Variants in TEX14 observed in about 807,000 individuals in gnomAD.
TEX14 encodes the protein testis expressed 14, intercellular bridge forming factor.
In TEX14, 168 loss-of-function variants were observed where a neutral mutation model predicts 178.6. The observed-to-expected ratio is 0.94, with a 90% CI of 0.83 to 1.07. The LOEUF is 1.07. Ranked by LOEUF, TEX14 falls within the 50% of genes least tolerant of loss-of-function variation. The pLI, the probability that TEX14 is intolerant of heterozygous loss-of-function variation, is 0.00. For missense variants in TEX14, 1,730 were observed against 1,753.6 expected (o/e 0.99, Z 0.24); for synonymous variants, 626 against 634.1 (o/e 0.99, Z 0.19).
intron 26 of TEX14, among the ~76,000 whole-genome samples, chr17:58,568,962 A>G (rs2044462632): frequency 6.6e-6 from 1 of 152,170 alleles, no homozygotes; most frequent in Non-Finnish European, 1.5e-5. Context: ...AAGTCCTTTA[A>G]GTAACAAAAT....
chr17:58,592,258 C>A (rs1207382569), intron 15 of TEX14, among the ~76,000 whole-genome samples: 2 of 149,832 alleles, frequency 1.3e-5, no homozygotes, highest in Non-Finnish European at 3.0e-5. Context: ...GAGTCAGAAT[C>A]TCACTCTGTT....
intron 2 of TEX14, chr17:58,631,047 A>G: frequency 2.4e-6 from 1 of 415,660 alleles, no homozygotes; most frequent in South Asian, 1.0e-4. Flanking sequence ...GGACTGAAAA[A>G]AAAGGCCAAA....
At position 58,602,459 on chromosome 17, in the gene TEX14, G is replaced by C. The variant is rs574919191; in HGVS notation, c.1468C>G (p.Gln490Glu). 3.8e-5 allele frequency: 62 copies of C among 1,613,960 alleles called. No individual in the cohort carries two copies. Among genetic ancestry groups the C allele is most frequent in the Middle Eastern group, 1.6e-4 (1 of 6,062 alleles). ...DIVKSGIHVK[Q>E]KDRTMNLQDI... ...TGAAGGTTCATAGTTCGGTCTTTCT[G>C]CTTGACGTGGATGCCTGACTTAACA... is the stretch of plus-strand genomic sequence containing the variant. The change falls in exon 12 of 32, where the codon CAG becomes GAG. Residue 490 changes from glutamine (Q) to glutamate (E), a missense_variant. Gln to Glu is a conservative substitution (Grantham distance 29, BLOSUM62 2). Coordinates refer to ENST00000349033, the MANE Select transcript of TEX14 (RefSeq NM_031272.5).
chr17:58,569,117 A>G lies in TEX14; in HGVS notation c.3886+75T>C, dbSNP rs890328280. 1.6e-6 allele frequency: 2 copies of G among 1,267,624 alleles called. No homozygotes were observed. Among genetic ancestry groups the G allele is most frequent in the African/African-American group, 3.0e-5 (2 of 67,122 alleles). 78.5% of individuals were successfully genotyped at this position (1,267,624 alleles called of 1,614,324 possible). A position where few individuals can be genotyped will look rare whatever the true frequency, so the allele number is the denominator to read the frequency against. On this transcript the variant is annotated intron_variant, in intron 26 of 31. Coordinates refer to ENST00000349033, the MANE Select transcript of TEX14 (RefSeq NM_031272.5). The surrounding 1 kb of genome is among the most constrained non-coding windows in gnomAD (Gnocchi z 4.1). ...TTTTATACTAGTGTTCACACTTGAG[A>G]CAAAGACACCATACTGTGGTCAGTG...
intron 10 of TEX14, among the ~76,000 whole-genome samples, chr17:58,605,757 C>T (rs1207514864): frequency 6.6e-6 from 1 of 152,212 alleles, no homozygotes; most frequent in Non-Finnish European, 1.5e-5. Context: ...GTCTGAAAGT[C>T]ACTTCCTCAA....
intron 18 of TEX14, 114 bp from the exon 19 acceptor site, chr17:58,584,714 C>T: frequency 1.2e-6 from 1 of 838,894 alleles, no homozygotes; most frequent in South Asian, 1.5e-5. Context: ...CAAGAGTGGC[C>T]ATGTCCCATA....
chr17:58,557,275 C>CT (rs59283518), intron 31 of TEX14, among the ~76,000 whole-genome samples: 21,264 of 144,586 alleles, frequency 0.15, 2,322 homozygotes, highest in East Asian at 0.31. Flanking sequence ...TAAACCTGTT[C>CT]TTTTTTTTTT....
chr17:58,623,154 CCTGT>C (rs757683905), intron 3 of TEX14, 142 bp from the exon 4 acceptor site: 155 of 616,738 alleles, frequency 2.5e-4, no homozygotes, highest in Non-Finnish European at 4.1e-4. Flanking sequence ...TTGTGAGGCC[CCTGT>C]CTGTGCCCAC....
At chr17:58,609,354 C>T (rs552272902) in intron 10 of TEX14, among the ~76,000 whole-genome samples, 2 of 152,302 alleles carry the variant, frequency 1.3e-5, no homozygotes, top group African/African-American at 4.8e-5. Flanking sequence ...CATGATCCAC[C>T]CGTCTCGGCC....
intron 18 of TEX14, 104 bp downstream of exon 18, chr17:58,585,697 C>T: frequency 9.5e-7 from 1 of 1,053,326 alleles, no homozygotes; most frequent in East Asian, 3.8e-5. Context: ...CTCAGGTGAT[C>T]CGCTCGCCTC....
intron 1 of TEX14, among the ~76,000 whole-genome samples, chr17:58,662,618 C>T (rs2047135938): frequency 1.3e-5 from 2 of 152,046 alleles, no homozygotes; most frequent in South Asian, 2.1e-4. Flanking sequence ...CATGGCTGTT[C>T]CTGCCAACTC....
intron 1 of TEX14, chr17:58,679,678 G>GA (rs2047467681): frequency 6.6e-6 from 1 of 152,128 alleles, no homozygotes; most frequent in Non-Finnish European, 1.5e-5. Context: ...TATTTCCCTT[G>GA]CCAGTTAAGT....
chr17:58,615,050 G>A (rs1178684053), intron 8 of TEX14, among the ~76,000 whole-genome samples, 182 bp downstream of exon 8: 2 of 152,180 alleles, frequency 1.3e-5, no homozygotes, highest in Non-Finnish European at 1.5e-5. Context: ...CAGGCTACTC[G>A]TTAACTTCTC....
intron 1 of TEX14, among the ~76,000 whole-genome samples, chr17:58,674,419 T>C (rs911589777): frequency 6.6e-6 from 1 of 152,050 alleles, no homozygotes; most frequent in East Asian, 1.9e-4. Context: ...CCTGTAATCC[T>C]AGCACTACAG....
chr17:58,674,966 C>T (rs1304732413), intron 1 of TEX14, among the ~76,000 whole-genome samples: 1 of 151,266 alleles, frequency 6.6e-6, no homozygotes, highest in Non-Finnish European at 1.5e-5. Flanking sequence ...GCCAACATGA[C>T]GAAACCCCAT....
At chr17:58,594,654 C>T (rs192708679) in intron 14 of TEX14, among the ~76,000 whole-genome samples, 1 of 152,126 alleles carries the variant, frequency 6.6e-6, no homozygotes, top group Admixed American at 6.6e-5. Context: ...CACCCTGACA[C>T]TAAGAGAATC....
At chr17:58,603,414 T>C (rs1046285565) in intron 11 of TEX14, among the ~76,000 whole-genome samples, 3 of 150,712 alleles carry the variant, frequency 2.0e-5, no homozygotes, top group African/African-American at 7.3e-5. Flanking sequence ...ATTAGCTGGG[T>C]GTGGTGGCGA....
rs1328991362 is a variant in TEX14 at position 58,598,856 on chromosome 17, C to T, written c.2469+20G>A. On this transcript the variant is annotated intron_variant, in intron 14 of 31. Transcript: ENST00000349033. ...TTTCCTGGATCTTTTGCCAAAATGTCCCCCTTGAAAGTCTCTTACCATTCT... is the reference window on the plus strand; with the variant it reads ...TTTCCTGGATCTTTTGCCAAAATGTTCCCCTTGAAAGTCTCTTACCATTCT... 1 of 1,560,280 alleles carries T rather than the reference C, an allele frequency of 6.4e-7. No homozygotes were observed. Among genetic ancestry groups the T allele is most frequent in the Non-Finnish European group, 8.6e-7 (1 of 1,156,256 alleles).
intron 14 of TEX14, among the ~76,000 whole-genome samples, chr17:58,596,738 TAAAG>T (rs1267128461): frequency 1.3e-5 from 2 of 149,302 alleles, no homozygotes; most frequent in African/African-American, 2.5e-5. Context: ...AAAAAAAAGA[TAAAG>T]AAATAAATAC....
Sources: allele counts gnomAD v4.1 joint callset (sites outside exome capture counted in the v4.1 genomes callset), GRCh38; gene constraint gnomAD v4.1.1; non-coding constraint Gnocchi (gnomAD v3.1); transcripts MANE v1.5; gene names NCBI Gene and HGNC (gene_info 2026-07-23, HGNC 2026-07-21).